The following DLG1 variants were observed in gnomAD, a reference collection of about 807,000 sequenced individuals.
The protein encoded by DLG1 is discs large MAGUK scaffold protein 1.
DLG1 carries 42 observed loss-of-function variants against 123.4 expected under a neutral mutation model. The ratio of observed to expected loss-of-function variants is 0.34; its 90% CI spans 0.27 to 0.44. The LOEUF (loss-of-function observed/expected upper bound fraction) is 0.44. Ranked by LOEUF, DLG1 falls within the 20% of genes least tolerant of loss-of-function variation. The probability of loss-of-function intolerance (pLI) is 1.00; values close to 1 mark genes in which losing one functional copy is unlikely to be tolerated. For missense variants in DLG1, 942 were observed against 1,082.6 expected (o/e 0.87, Z 1.82); for synonymous variants, 317 against 356.2 (o/e 0.89, Z 1.24).
chr3:197,046,730 C>A (rs1460901650), intron 24 of DLG1, among the ~76,000 whole-genome samples: 9 of 151,968 alleles, frequency 5.9e-5, no homozygotes, highest in African/African-American at 1.7e-4. Flanking sequence ...ATTAGCTGGG[C>A]ATGTTGGCTG....
intron 15 of DLG1, among the ~76,000 whole-genome samples, chr3:197,087,501 C>A (rs1437890266): frequency 6.6e-6 from 1 of 151,994 alleles, no homozygotes; most frequent in South Asian, 2.1e-4. Context: ...GCCAACAGGG[C>A]AAGACCCCAT....
At chr3:197,290,897 T>TAAA (rs34807556) in intron 3 of DLG1, among the ~76,000 whole-genome samples, 92 of 87,926 alleles carry the variant, frequency 1.0e-3, no homozygotes, top group East Asian at 7.8e-3. Flanking sequence ...CTCCAAATAG[T>TAAA]AAAAAAAAAA....
chr3:197,272,187 C>A (rs1764189664), intron 4 of DLG1, among the ~76,000 whole-genome samples: 1 of 152,030 alleles, frequency 6.6e-6, no homozygotes, highest in South Asian at 2.1e-4. Context: ...CATATTTATT[C>A]ACCACTTAAC....
intron 10 of DLG1, among the ~76,000 whole-genome samples, chr3:197,135,016 A>C (rs986436167): frequency 6.6e-6 from 1 of 152,226 alleles, no homozygotes; most frequent in African/African-American, 2.4e-5. Context: ...TCTGCCTAGA[A>C]GACTGTTATA....
intron 14 of DLG1, among the ~76,000 whole-genome samples, chr3:197,099,622 T>C (rs187489973): frequency 6.6e-6 from 1 of 152,304 alleles, no homozygotes; most frequent in Admixed American, 6.5e-5. Flanking sequence ...ATATCCCCTT[T>C]CAAATTTTAA....
chr3:197,120,962 T>C (rs1434883087), intron 11 of DLG1, among the ~76,000 whole-genome samples: 2 of 152,190 alleles, frequency 1.3e-5, no homozygotes, highest in Admixed American at 1.3e-4. Flanking sequence ...TAGCCCTCAA[T>C]CAATAGATAC....
intron 5 of DLG1, among the ~76,000 whole-genome samples, chr3:197,162,988 T>C (rs944515423): frequency 6.6e-6 from 1 of 152,286 alleles, no homozygotes; most frequent in Non-Finnish European, 1.5e-5. Flanking sequence ...ATTTAAAGAC[T>C]CTTACAACGC....
At chr3:197,226,372 G>A (rs1255792608) in intron 4 of DLG1, 1 of 152,128 alleles carries the variant, frequency 6.6e-6, no homozygotes, top group Admixed American at 6.5e-5. Flanking sequence ...CTCGAGCAGA[G>A]CCACTATGCT....
intron 11 of DLG1, among the ~76,000 whole-genome samples, chr3:197,127,827 C>T (rs1780551894): frequency 6.6e-6 from 1 of 151,874 alleles, no homozygotes; most frequent in African/African-American, 2.4e-5. Flanking sequence ...AGTGCATGTA[C>T]AAGTTATGTT....
At chr3:197,263,598 C>T (rs2150981300) in intron 4 of DLG1, among the ~76,000 whole-genome samples, 1 of 152,062 alleles carries the variant, frequency 6.6e-6, no homozygotes, top group African/African-American at 2.4e-5. Context: ...ACCAGCCTGG[C>T]CAACATGGTG....
At chr3:197,297,066 T>C (rs1777781639) in intron 2 of DLG1, 120 bp downstream of exon 2, 1 of 1,068,936 alleles carries the variant, frequency 9.4e-7, no homozygotes, top group Middle Eastern at 2.0e-4. Context: ...CCCTAAGCAA[T>C]AAAGCTAGGA....
intron 16 of DLG1, among the ~76,000 whole-genome samples, chr3:197,081,545 C>T (rs927864365): frequency 9.9e-5 from 15 of 152,114 alleles, no homozygotes; most frequent in African/African-American, 3.6e-4. Context: ...GATATGTGGA[C>T]GTTCACTGTA....
chr3:197,183,162 TTC>T (rs1349045893), intron 5 of DLG1, among the ~76,000 whole-genome samples: 1 of 152,188 alleles, frequency 6.6e-6, no homozygotes, highest in African/African-American at 2.4e-5. Flanking sequence ...TCAAAGTATC[TTC>T]TGTTTCTTTA....
chr3:197,160,380 A>C (rs1157784087), intron 5 of DLG1, among the ~76,000 whole-genome samples: 3 of 151,672 alleles, frequency 2.0e-5, no homozygotes, highest in South Asian at 2.1e-4. Context: ...AAAAAAAAAA[A>C]AACTGTACTA....
intron 24 of DLG1, among the ~76,000 whole-genome samples, chr3:197,048,751 G>A (rs1725170810): frequency 6.6e-6 from 1 of 152,090 alleles, no homozygotes; most frequent in African/African-American, 2.4e-5. Flanking sequence ...CGCTTCCCAG[G>A]TTCAAGCAAT....
chr3:197,238,757 A>C (rs569412306), intron 4 of DLG1, among the ~76,000 whole-genome samples: 1 of 152,354 alleles, frequency 6.6e-6, no homozygotes, highest in South Asian at 2.1e-4. Flanking sequence ...GAAATCAAAA[A>C]GGAAATTAGA....
At chr3:197,159,244 T>C (rs929065968) in intron 5 of DLG1, among the ~76,000 whole-genome samples, 1 of 152,254 alleles carries the variant, frequency 6.6e-6, no homozygotes, top group Non-Finnish European at 1.5e-5. Flanking sequence ...ATAATTCTGA[T>C]TTGTAGAAGA....
chr3:197,114,777 T>C (rs1399187886), intron 13 of DLG1, among the ~76,000 whole-genome samples: 2 of 151,938 alleles, frequency 1.3e-5, no homozygotes, highest in Non-Finnish European at 2.9e-5. Context: ...GGTCAGGAGA[T>C]CGAGACCATC....
At chr3:197,204,613 T>G (rs1374324906) in intron 4 of DLG1, among the ~76,000 whole-genome samples, 1 of 152,280 alleles carries the variant, frequency 6.6e-6, no homozygotes, top group East Asian at 1.9e-4. Flanking sequence ...GAGTTCCATA[T>G]CTACAGATTC....
Sources: gnomAD v4.1 joint callset for allele counts (sites outside exome capture counted in the v4.1 genomes callset) on GRCh38, gnomAD v4.1.1 for gene constraint, MANE v1.5 for transcripts, NCBI Gene and HGNC (gene_info 2026-07-23, HGNC 2026-07-21) for gene names.